The following CCSER2 variants were observed in gnomAD, a reference collection of about 807,000 sequenced individuals.
CCSER2 encodes the protein coiled-coil serine rich protein 2.
A neutral mutation model predicts 92.3 loss-of-function variants in CCSER2; 46 were observed. That is an observed-to-expected ratio of 0.50 (90% confidence interval 0.39 to 0.64). CCSER2 has a LOEUF of 0.64. Ranked by LOEUF, CCSER2 falls within the 30% of genes least tolerant of loss-of-function variation. The probability of loss-of-function intolerance (pLI) is 0.00; values close to 1 mark genes in which losing one functional copy is unlikely to be tolerated. For synonymous variants in CCSER2, 433 were observed against 431.4 expected (o/e 1.00, Z -0.04); for missense variants, 1,244 against 1,238.9 (o/e 1.00, Z -0.06).
intron 3 of CCSER2, among the ~76,000 whole-genome samples, chr10:84,396,554 A>T (rs554390077): frequency 6.6e-6 from 1 of 152,090 alleles, no homozygotes; most frequent in Admixed American, 6.6e-5. Context: ...TTCTGCCCAC[A>T]TCGTGGTTTA....
chr10:84,489,406 A>G (rs1001326332), intron 9 of CCSER2, among the ~76,000 whole-genome samples: 1 of 152,146 alleles, frequency 6.6e-6, no homozygotes. Context: ...GACTTGCTTT[A>G]TGAATCTGGG....
intron 9 of CCSER2, among the ~76,000 whole-genome samples, chr10:84,486,816 C>T (rs1295206202): frequency 6.6e-6 from 1 of 152,184 alleles, no homozygotes; most frequent in Non-Finnish European, 1.5e-5. Flanking sequence ...GAAGTCCTTG[C>T]CCATGCCTAT....
At chr10:84,378,074 C>T (rs1429068809) in intron 3 of CCSER2, among the ~76,000 whole-genome samples, 3 of 152,130 alleles carry the variant, frequency 2.0e-5, no homozygotes, top group Non-Finnish European at 2.9e-5. Flanking sequence ...GGACCACCAA[C>T]GTGATGTTGA....
intron 9 of CCSER2, among the ~76,000 whole-genome samples, chr10:84,488,337 C>G (rs1057427163): frequency 2.0e-5 from 3 of 152,168 alleles, no homozygotes; most frequent in Non-Finnish European, 4.4e-5. Flanking sequence ...CCTTGTACCT[C>G]TGGTAGAATT....
At chr10:84,449,722 C>T (rs530210730) in intron 6 of CCSER2, among the ~76,000 whole-genome samples, 7 of 152,106 alleles carry the variant, frequency 4.6e-5, no homozygotes, top group Admixed American at 6.5e-5. Context: ...AGCGTGGTGG[C>T]GCATGCCTGT....
At chr10:84,337,486 G>C (rs920926347) in intron 1 of CCSER2, among the ~76,000 whole-genome samples, 1 of 152,194 alleles carries the variant, frequency 6.6e-6, no homozygotes, top group Non-Finnish European at 1.5e-5. Context: ...TGGTGGAAGT[G>C]AAGACTTGAT....
At chr10:84,375,933 C>G (rs1846312386) in intron 3 of CCSER2, among the ~76,000 whole-genome samples, 1 of 149,440 alleles carries the variant, frequency 6.7e-6, no homozygotes, top group East Asian at 2.0e-4. Flanking sequence ...TTAGCATATT[C>G]TCACTTTTCT....
intron 5 of CCSER2, among the ~76,000 whole-genome samples, chr10:84,434,044 G>A (rs377628916): frequency 2.6e-5 from 4 of 152,072 alleles, no homozygotes; most frequent in Non-Finnish European, 5.9e-5. Flanking sequence ...TTTCACTACC[G>A]GAGTTTCTGT....
Position 84,380,990 on chromosome 10 carries a change from A to G in CCSER2, c.1614+7175A>G, listed in dbSNP as rs539181611. Among the ~76,000 whole-genome samples, 367 of 152,250 alleles carry G rather than the reference A, an allele frequency of 2.4e-3. 1 individual carries two copies. The highest frequency in any genetic ancestry group is 8.4e-3 in the African/African-American group (351 of 41,566). ...GAGTAATCCCAGGGCGTGAGCCACC[A>G]TGCCCAGCCTCTCTGTGTTCCTTTT... On this transcript the variant is annotated intron_variant, in intron 3 of 9. Transcript: ENST00000372088.
intron 5 of CCSER2, among the ~76,000 whole-genome samples, chr10:84,427,256 G>A (rs932607057): frequency 6.6e-6 from 1 of 152,118 alleles, no homozygotes; most frequent in Admixed American, 6.5e-5. Context: ...TGTTGTGAAT[G>A]GTTATAGATT....
At position 84,371,667 on chromosome 10, in the gene CCSER2, A is replaced by G. The variant is rs1384284421; in HGVS notation, c.615A>G (p.Gln205=). The part of the protein sequence containing the change: ...TRSSSGESLA[Q]SPDSSKSINC... Reference sequence around the variant, plus strand: ...GCAGTTCTGGAGAAAGCTTAGCTCAATCCCCAGACAGTAGTAAATCTATTA... The same window carrying G: ...GCAGTTCTGGAGAAAGCTTAGCTCAGTCCCCAGACAGTAGTAAATCTATTA... The change falls in exon 2 of 10, where the codon CAA becomes CAG. Residue 205 remains glutamine, a synonymous_variant. Transcript: ENST00000372088. 2 of 1,613,782 alleles carry G rather than the reference A, an allele frequency of 1.2e-6. No homozygotes were observed. Among genetic ancestry groups the G allele is most frequent in the East Asian group, 2.2e-5 (1 of 44,874 alleles).
At chr10:84,360,530 T>C (rs900673703) in intron 1 of CCSER2, among the ~76,000 whole-genome samples, 2 of 152,232 alleles carry the variant, frequency 1.3e-5, no homozygotes, top group Non-Finnish European at 2.9e-5. Flanking sequence ...AAATGAAGTA[T>C]AACTTACATA....
chr10:84,481,970 T>C (rs1436222960), intron 9 of CCSER2, among the ~76,000 whole-genome samples: 1 of 152,134 alleles, frequency 6.6e-6, no homozygotes, highest in Non-Finnish European at 1.5e-5. Flanking sequence ...TTTTAAATTT[T>C]GTTTAGTTGT....
At chr10:84,483,978 TATATATATATATATATATAA>T (rs1383929782) in intron 9 of CCSER2, among the ~76,000 whole-genome samples, 1 of 57,942 alleles carries the variant, frequency 1.7e-5, no homozygotes, top group Non-Finnish European at 5.1e-5. Flanking sequence ...TATATATATA[TATATATATATATATATATAA>T]TTTTTTTTTT....
chr10:84,466,636 C>T (rs1412284222), intron 7 of CCSER2, among the ~76,000 whole-genome samples: 2 of 151,118 alleles, frequency 1.3e-5, no homozygotes, highest in Non-Finnish European at 3.0e-5. Flanking sequence ...TCCCGAGTGG[C>T]TGGGACTACA....
intron 1 of CCSER2, among the ~76,000 whole-genome samples, chr10:84,362,943 G>A (rs1008253052): frequency 6.6e-6 from 1 of 151,654 alleles, no homozygotes; most frequent in African/African-American, 2.4e-5. Context: ...TTCAAGCAAT[G>A]CTTTAGCCTC....
At chr10:84,425,934 G>T in intron 5 of CCSER2, 41 bp downstream of exon 5, 1 of 1,344,950 alleles carries the variant, frequency 7.4e-7, no homozygotes, top group African/African-American at 1.5e-5. Context: ...GCTGTCCTCT[G>T]ATTTTGAATT....
chr10:84,424,988 C>T, intron 4 of CCSER2: 1 of 984,790 alleles, frequency 1.0e-6, no homozygotes, highest in Non-Finnish European at 1.2e-6. Context: ...AACACAATGT[C>T]TCCCTTGTGC....
chr10:84,473,346 G>A (rs1846931990), intron 8 of CCSER2, among the ~76,000 whole-genome samples: 1 of 152,134 alleles, frequency 6.6e-6, no homozygotes, highest in Admixed American at 6.5e-5. Context: ...TTGCAGAGGA[G>A]CTGTGGCCCC....
Sources: gnomAD v4.1 joint callset for allele counts (sites outside exome capture counted in the v4.1 genomes callset) on GRCh38, gnomAD v4.1.1 for gene constraint, MANE v1.5 for transcripts, NCBI Gene and HGNC (gene_info 2026-07-23, HGNC 2026-07-21) for gene names.